UBXN2A: variants seen among roughly 807,000 people sequenced by gnomAD.
UBXN2A encodes UBX domain protein 2A.
Under a neutral mutation model 28.4 loss-of-function variants are expected in UBXN2A, and 28 were observed. That is an observed-to-expected ratio of 0.99 (90% CI 0.73 to 1.35). UBXN2A has a LOEUF of 1.35. UBXN2A is among the 40% of genes most tolerant of loss of function. UBXN2A has a pLI of 0.00. For synonymous variants in UBXN2A, 97 were observed against 103.6 expected (o/e 0.94, Z 0.39); for missense variants, 253 against 297.9 (o/e 0.85, Z 1.11).
rs754215134 is a variant in UBXN2A at position 23,977,118 on chromosome 2, C to T, written c.287+43C>T. On this transcript the variant is annotated intron_variant, in intron 4 of 6. Transcript: ENST00000309033. ...GTAGGTCAAGCCTGTAAACCCAAAACTTTGGCAGGCTGTGGCGAGAGGATT... is the reference window on the plus strand; with the variant it reads ...GTAGGTCAAGCCTGTAAACCCAAAATTTTGGCAGGCTGTGGCGAGAGGATT... 10 of 1,508,072 alleles carry T rather than the reference C, an allele frequency of 6.6e-6. No individual in the cohort carries two copies. The Admixed American group carries it at 1.0e-4, about 15-fold the overall frequency. 93.4% of individuals were successfully genotyped at this position (1,508,072 alleles called of 1,614,324 possible).
At chr2:23,939,612 C>G (rs1705647547), upstream of UBXN2A, 1 of 152,380 alleles carries the variant, frequency 6.6e-6, no homozygotes, top group Admixed American at 6.6e-5. Flanking sequence ...CCAGGGAGAG[C>G]TGCTTCACTC....
chr2:23,927,333 C>T (rs1705060528), exon 1 of UBXN2A: 1 of 152,530 alleles, frequency 6.6e-6, no homozygotes, highest in African/African-American at 2.4e-5. Flanking sequence ...CCAGACTAAT[C>T]AGGACGAGTT....
intron 4 of UBXN2A, among the ~76,000 whole-genome samples, chr2:23,982,127 A>T (rs1707933782): frequency 6.6e-6 from 1 of 152,002 alleles, no homozygotes; most frequent in Admixed American, 6.6e-5. Context: ...TGGGAGGCTG[A>T]GGCGGGCAGA....
At chr2:23,975,225 G>A (rs770979149) in intron 3 of UBXN2A, among the ~76,000 whole-genome samples, 10 of 152,094 alleles carry the variant, frequency 6.6e-5, no homozygotes, top group Middle Eastern at 3.2e-3. Context: ...AGACTTTAAC[G>A]TAACAAGTAT....
intron 2 of UBXN2A, among the ~76,000 whole-genome samples, chr2:23,964,827 T>C (rs898405262): frequency 3.3e-5 from 5 of 152,150 alleles, no homozygotes; most frequent in Non-Finnish European, 7.4e-5. Context: ...CTTTTATTAT[T>C]ATAGGAACTC....
At chr2:23,946,336 GT>G (rs113243659) in intron 1 of UBXN2A, among the ~76,000 whole-genome samples, 17,928 of 139,852 alleles carry the variant, frequency 0.13, 1,138 homozygotes, top group Middle Eastern at 0.24. Flanking sequence ...GTTTTTTGTT[GT>G]TTTTTTTTTT....
At chr2:23,962,448 T>G (rs1380484148) in intron 2 of UBXN2A, among the ~76,000 whole-genome samples, 1 of 152,046 alleles carries the variant, frequency 6.6e-6, no homozygotes, top group East Asian at 1.9e-4. Flanking sequence ...TTATAAGGGA[T>G]TAGTTACCAA....
At chr2:23,972,392 C>G (rs1200057143) in intron 3 of UBXN2A, among the ~76,000 whole-genome samples, 1 of 152,110 alleles carries the variant, frequency 6.6e-6, no homozygotes, top group East Asian at 1.9e-4. Context: ...ATTTCAGAAT[C>G]TGAAATTCAA....
At chr2:23,977,438 C>A (rs1707718345) in intron 4 of UBXN2A, 1 of 165,300 alleles carries the variant, frequency 6.0e-6, no homozygotes, top group Admixed American at 6.2e-5. Flanking sequence ...GTTGGGAGTT[C>A]GAGACACCAG....
chr2:23,937,316 A>C (rs376701631), upstream of UBXN2A, among the ~76,000 whole-genome samples: 3 of 152,066 alleles, frequency 2.0e-5, no homozygotes, highest in East Asian at 3.9e-4. Context: ...AGGCCCAAGC[A>C]GGAGGATAGT....
At chr2:23,954,541 A>AT (rs1558285429) in intron 1 of UBXN2A, among the ~76,000 whole-genome samples, 1 of 152,044 alleles carries the variant, frequency 6.6e-6, no homozygotes, top group African/African-American at 2.4e-5. Flanking sequence ...CAGGGTTTCA[A>AT]TTTCGTTACA....
intron 6 of UBXN2A, among the ~76,000 whole-genome samples, chr2:23,985,118 T>C (rs1172917576): frequency 6.6e-6 from 1 of 152,114 alleles, no homozygotes; most frequent in Non-Finnish European, 1.5e-5. Context: ...AAAATTGTTT[T>C]GTAGAAAGGG....
At chr2:23,998,681 G>A (rs933354505) in intron 6 of UBXN2A, among the ~76,000 whole-genome samples, 9 of 151,994 alleles carry the variant, frequency 5.9e-5, no homozygotes, top group East Asian at 1.9e-4. Context: ...AGATCACGCC[G>A]CTGCATTCCA....
chr2:23,997,271 A>G (rs72781658), intron 6 of UBXN2A, among the ~76,000 whole-genome samples: 15,992 of 152,084 alleles, frequency 0.11, 946 homozygotes, highest in Middle Eastern at 0.18. Context: ...TTTAAATACT[A>G]ACTTTCTGCT....
chr2:24,000,095 C>T lies in UBXN2A; in HGVS notation c.*228C>T, dbSNP rs1708685461. The T allele has an allele frequency of 2.1e-6, 1 of 480,764 alleles. No homozygotes were observed. Among genetic ancestry groups the T allele is most frequent in the Non-Finnish European group, 3.6e-6 (1 of 274,892 alleles). The allele number at this position is 480,764 out of a possible 1,614,324, so 29.8% of individuals were successfully genotyped here. On this transcript the variant is annotated 3_prime_UTR_variant, in exon 7 of 7. Transcript: ENST00000309033. ...CCAAAAGACTACCCAGAAAAATAGACTTATTTTCAAATACCAGTTATCAAG... is the reference window on the plus strand; with the variant it reads ...CCAAAAGACTACCCAGAAAAATAGATTTATTTTCAAATACCAGTTATCAAG...
chr2:23,994,320 C>T (rs1422836777), intron 6 of UBXN2A, among the ~76,000 whole-genome samples: 1 of 152,126 alleles, frequency 6.6e-6, no homozygotes, highest in African/African-American at 2.4e-5. Context: ...TGCTGAGTTT[C>T]TTGGATCCAT....
At chr2:23,960,247 C>T (rs1706839932) in intron 2 of UBXN2A, among the ~76,000 whole-genome samples, 2 of 151,666 alleles carry the variant, frequency 1.3e-5, no homozygotes, top group Non-Finnish European at 1.5e-5. Context: ...CAGAGTGAGA[C>T]TCTGTCTCAA....
upstream of UBXN2A, among the ~76,000 whole-genome samples, chr2:23,937,727 AAC>A (rs1368839832): frequency 2.0e-5 from 3 of 152,242 alleles, no homozygotes; most frequent in Admixed American, 6.5e-5. Flanking sequence ...AAAACTATAA[AAC>A]ACTGCTGAAA....
chr2:23,947,451 T>C (rs1706142950), intron 1 of UBXN2A, among the ~76,000 whole-genome samples: 1 of 152,196 alleles, frequency 6.6e-6, no homozygotes. Flanking sequence ...TGTGCCAACT[T>C]TATGCTGATA....
Sources: allele counts gnomAD v4.1 joint callset (sites outside exome capture counted in the v4.1 genomes callset), GRCh38; gene constraint gnomAD v4.1.1; transcripts MANE v1.5; gene names NCBI Gene and HGNC (gene_info 2026-07-23, HGNC 2026-07-21).